Variants in PPP1R12C observed in about 807,000 individuals in gnomAD.
PPP1R12C encodes protein phosphatase 1 regulatory subunit 12C.
Under a neutral mutation model 95.6 loss-of-function variants are expected in PPP1R12C, and 48 were observed. The ratio of observed to expected loss-of-function variants is 0.50; its 90% CI spans 0.40 to 0.64. The LOEUF (loss-of-function observed/expected upper bound fraction) is 0.64, where lower values mean the gene tolerates loss of function less well. Ranked by LOEUF, PPP1R12C falls within the 30% of genes least tolerant of loss-of-function variation. The pLI is 0.00. For synonymous variants in PPP1R12C, 480 were observed against 460.8 expected (o/e 1.04, Z -0.53); for missense variants, 1,057 against 1,083.3 (o/e 0.98, Z 0.34).
chr19:55,093,253 G>A lies in PPP1R12C; in HGVS notation c.1684-20C>T, dbSNP rs762793190. 1.2e-6 allele frequency: 2 copies of A among 1,607,600 alleles called. No homozygotes were observed. Among genetic ancestry groups the A allele is most frequent in the Non-Finnish European group, 1.7e-6 (2 of 1,177,632 alleles). On this transcript the variant is annotated intron_variant, in intron 13 of 21. Transcript: ENST00000263433. ...CACACCCTGGCAGGGAAAGGGGACAGTCAGGGGACGCTGGGGTCAGGGCCC... is the reference window on the plus strand; with the variant it reads ...CACACCCTGGCAGGGAAAGGGGACAATCAGGGGACGCTGGGGTCAGGGCCC...
chr19:55,102,375 GGT>G (rs1405090583), intron 4 of PPP1R12C, among the ~76,000 whole-genome samples: 1 of 152,140 alleles, frequency 6.6e-6, no homozygotes, highest in Non-Finnish European at 1.5e-5. Flanking sequence ...AGCCAAGTGT[GGT>G]GGCACACTCT....
intron 3 of PPP1R12C, among the ~76,000 whole-genome samples, chr19:55,104,276 TCTC>T (rs200311092): frequency 0.011 from 1,561 of 145,992 alleles, 31 homozygotes; most frequent in African/African-American, 0.038. Context: ...TATATATGCA[TCTC>T]CTATATATAT....
intron 20 of PPP1R12C, 67 bp downstream of exon 20, chr19:55,091,792 T>C: frequency 1.2e-6 from 2 of 1,611,932 alleles, no homozygotes; most frequent in Non-Finnish European, 1.7e-6. Flanking sequence ...TGTGGCTCCC[T>C]TGGTCCAAAC....
chr19:55,116,748 C>T (rs2085158157), intron 1 of PPP1R12C, among the ~76,000 whole-genome samples: 1 of 151,762 alleles, frequency 6.6e-6, no homozygotes, highest in South Asian at 2.1e-4. Context: ...CAGGGCCAGG[C>T]AGATAGACCA....
intron 3 of PPP1R12C, among the ~76,000 whole-genome samples, chr19:55,108,958 G>A (rs940304945): frequency 2.0e-5 from 3 of 152,102 alleles, no homozygotes; most frequent in Admixed American, 6.6e-5. Flanking sequence ...CGCCCGCCTC[G>A]GCCTCCCTAA....
Position 55,112,600 on chromosome 19 carries a change from T to C in PPP1R12C, c.453-15A>G. 6.2e-7 allele frequency: 1 copy of C among 1,612,194 alleles called. No homozygotes were observed. The highest frequency in any genetic ancestry group is 8.5e-7 in the Non-Finnish European group (1 of 1,179,100). On this transcript the variant is annotated splice_polypyrimidine_tract_variant and intron_variant, in intron 2 of 21. Coordinates refer to ENST00000263433, the MANE Select transcript of PPP1R12C (RefSeq NM_017607.4). ...TCAGGAGGTACCTGGGGGTGGGGGC[T>C]GGTCAGGGCTGAGGGTCCAGGCCCC...
Position 55,095,495 on chromosome 19 carries a change from C to T in PPP1R12C, c.1336G>A (p.Gly446Arg). The T allele has an allele frequency of 6.4e-7, 1 of 1,570,384 alleles. No homozygotes were observed. The highest frequency in any genetic ancestry group is 8.6e-7 in the Non-Finnish European group (1 of 1,157,876). ...RRTAEGAPGA[G>R]LQRSASSSWL... is the part of the protein sequence containing the mutation. ...GAGGAGGAAGCCGAGCGCTGCAGCC[C>T]AGCCCCAGGGGCTCCCTCCGCTGTC... The change falls in exon 10 of 22, where the codon GGG becomes AGG. Residue 446 changes from glycine (G) to arginine (R), a missense_variant. Around this residue, in one of 5 missense-constraint regions of PPP1R12C, gnomAD observed 356 missense variants for 330.5 expected, o/e 1.08. Coordinates refer to ENST00000263433, the MANE Select transcript of PPP1R12C (RefSeq NM_017607.4).
rs755968830 is a variant in PPP1R12C, at chr19:55,091,849, C to T, written c.2211+10G>A. ...CGCCTCTGGCCCCCATCCCCACTGCCCCTACTCACGAATCTCTCCAGTTCC... is the reference window on the plus strand; with the variant it reads ...CGCCTCTGGCCCCCATCCCCACTGCTCCTACTCACGAATCTCTCCAGTTCC... On this transcript the variant is annotated intron_variant, in intron 20 of 21. Transcript: ENST00000263433. The T allele has an allele frequency of 6.8e-6, 11 of 1,613,462 alleles. No homozygotes were observed. In the South Asian group the frequency reaches 9.9e-5, roughly 14 times the overall value.
chr19:55,098,404 C>T (rs566603679), intron 6 of PPP1R12C, among the ~76,000 whole-genome samples: 12 of 152,356 alleles, frequency 7.9e-5, no homozygotes, highest in South Asian at 2.1e-4. Context: ...AAGGCTGCCC[C>T]GGGGATGGCT....
chr19:55,091,348 C>T lies in PPP1R12C; in HGVS notation c.*124G>A. 9.5e-7 allele frequency: 1 copy of T among 1,052,996 alleles called. No homozygotes were observed. The highest frequency in any genetic ancestry group is 1.4e-6 in the Non-Finnish European group (1 of 722,586). 65.2% of individuals were successfully genotyped at this position (1,052,996 alleles called of 1,614,324 possible). On this transcript the variant is annotated 3_prime_UTR_variant, in exon 22 of 22. Coordinates refer to ENST00000263433, the MANE Select transcript of PPP1R12C (RefSeq NM_017607.4). ...TCTGCTCCCCTCCCAGTCCGGAGGTCCCAGGGGGGCTATGGCTTCTCTGAG... is the reference window on the plus strand; with the variant it reads ...TCTGCTCCCCTCCCAGTCCGGAGGTTCCAGGGGGGCTATGGCTTCTCTGAG...
intron 3 of PPP1R12C, among the ~76,000 whole-genome samples, chr19:55,108,758 G>A (rs1037184608): frequency 2.6e-5 from 4 of 152,186 alleles, no homozygotes; most frequent in Non-Finnish European, 5.9e-5. Context: ...TCAGGCTAGA[G>A]TGCAGTGGCA....
rs773426543 is a variant in PPP1R12C, at chr19:55,112,506, C to T, written c.532G>A (p.Ala178Thr). ...TCCGCCTTCAGCAGCCCCTCCATGG[C>T]GTCCGACTCGGCCAGGTCCAGGGGC... ...DLPLDLAESD[A>T]MEGLLKAEIA... Residue 178 changes from alanine (A) to threonine (T), a missense_variant, in exon 3 of 22, where the codon GCC becomes ACC. Transcript: ENST00000263433. 7.4e-6 allele frequency: 12 copies of T among 1,613,028 alleles called. No individual in the cohort carries two copies. Among genetic ancestry groups the T allele is most frequent in the African/African-American group, 2.7e-5 (2 of 74,892 alleles).
chr19:55,115,960 T>C (rs1232322708), intron 1 of PPP1R12C, among the ~76,000 whole-genome samples: 3 of 151,996 alleles, frequency 2.0e-5, no homozygotes, highest in Non-Finnish European at 2.9e-5. Flanking sequence ...CCCTGGAAGA[T>C]GCCATGACAG....
At chr19:55,101,370 G>A (rs1309234113) in intron 4 of PPP1R12C, among the ~76,000 whole-genome samples, 2 of 152,172 alleles carry the variant, frequency 1.3e-5, no homozygotes, top group Non-Finnish European at 2.9e-5. Flanking sequence ...TCACTTCCAC[G>A]AATATGGATT....
At chr19:55,110,808 T>C (rs2085087188) in intron 3 of PPP1R12C, among the ~76,000 whole-genome samples, 1 of 149,508 alleles carries the variant, frequency 6.7e-6, no homozygotes, top group African/African-American at 2.5e-5. Flanking sequence ...GAGGTGGAGG[T>C]TGCAGTGAGC....
chr19:55,106,597 A>G (rs182774883), intron 3 of PPP1R12C, among the ~76,000 whole-genome samples: 6 of 152,250 alleles, frequency 3.9e-5, no homozygotes, highest in Admixed American at 3.9e-4. Flanking sequence ...AAAACACATC[A>G]TGTCTTCTTC....
intron 11 of PPP1R12C, 93 bp downstream of exon 11, chr19:55,095,198 A>C (rs1308366446): frequency 6.6e-6 from 9 of 1,356,604 alleles, no homozygotes; most frequent in Non-Finnish European, 9.3e-6. Flanking sequence ...ACCAGACCCC[A>C]GGGGGTACAT....
chr19:55,109,072 A>G lies in PPP1R12C; in HGVS notation c.571+3395T>C, dbSNP rs116226719. Among the ~76,000 whole-genome samples, 88 of 152,312 alleles carry G rather than the reference A, an allele frequency of 5.8e-4. No homozygotes were observed. The highest frequency in any genetic ancestry group is 2.1e-3 in the African/African-American group (87 of 41,564). ...ACTAGGTTGCTCCTACCTCTGGGCT[A>G]TTGTGAACGATGCTATGAACACGGG... On this transcript the variant is annotated intron_variant, in intron 3 of 21. Transcript: ENST00000263433. This position sits in a 1 kb window ranked among gnomAD's most constrained non-coding sequence, Gnocchi z 4.4.
chr19:55,095,776 CT>C (rs1383733301), intron 9 of PPP1R12C, 90 bp downstream of exon 9: 13 of 1,539,864 alleles, frequency 8.4e-6, no homozygotes, highest in African/African-American at 2.7e-5. Flanking sequence ...AGTCTTCCCC[CT>C]ATCTGCCCCT....
Sources: allele counts gnomAD v4.1 joint callset (sites outside exome capture counted in the v4.1 genomes callset), GRCh38; gene constraint gnomAD v4.1.1; regional missense constraint gnomAD v4.1.1; non-coding constraint Gnocchi (gnomAD v3.1); transcripts MANE v1.5; gene names NCBI Gene and HGNC (gene_info 2026-07-23, HGNC 2026-07-21).